The following NSD1 variants were observed in gnomAD, a reference collection of about 807,000 sequenced individuals.
NSD1 encodes histone-lysine N-methyltransferase, H3 lysine-36 specific.
NSD1 carries 26 observed loss-of-function variants against 242.7 expected under a neutral mutation model. That is an observed-to-expected ratio of 0.11 (90% CI 0.08 to 0.15). The LOEUF (loss-of-function observed/expected upper bound fraction) is 0.15, where lower values mean the gene tolerates loss of function less well. Ranked by LOEUF, NSD1 falls within the 10% of genes least tolerant of loss-of-function variation. The pLI, the probability that NSD1 is intolerant of heterozygous loss-of-function variation, is 1.00. For missense variants in NSD1, 2,495 were observed against 3,272.8 expected (o/e 0.76, Z 5.80); for synonymous variants, 1,106 against 1,178.1 (o/e 0.94, Z 1.25).
chr5:177,225,408 G>T (rs1764560409), intron 5 of NSD1, among the ~76,000 whole-genome samples: 1 of 152,152 alleles, frequency 6.6e-6, no homozygotes, highest in Non-Finnish European at 1.5e-5. Context: ...CTCCCAAAGT[G>T]CTGGGATTAC....
At chr5:177,236,153 T>G (rs1202982420) in intron 6 of NSD1, among the ~76,000 whole-genome samples, 1 of 152,194 alleles carries the variant, frequency 6.6e-6, no homozygotes, top group African/African-American at 2.4e-5. Flanking sequence ...TATGTATATA[T>G]TTTTCCCTCT....
rs1055666926 is a variant in NSD1 at position 177,149,645 on chromosome 5, C to T, written c.927+13615C>T. On this transcript the variant is annotated intron_variant, in intron 2 of 22. Coordinates refer to ENST00000439151, the MANE Select transcript of NSD1 (RefSeq NM_022455.5). ...TGGTTTGGGGATGAAACTTTTCCACCTTAGATTATCACGCATTAGTTAGAA... is the reference window on the plus strand; with the variant it reads ...TGGTTTGGGGATGAAACTTTTCCACTTTAGATTATCACGCATTAGTTAGAA... Among the ~76,000 whole-genome samples, 32 of 152,190 alleles carry T rather than the reference C, an allele frequency of 2.1e-4. 1 individual carries two copies. Among genetic ancestry groups the T allele is most frequent in the Admixed American group, 1.8e-3 (28 of 15,248 alleles).
chr5:177,210,034 G>A lies in NSD1; in HGVS notation c.1635G>A (p.Thr545=), dbSNP rs371958844. Residue 545 remains threonine (T), a synonymous_variant, in exon 5 of 23, where the codon ACG becomes ACA. Coordinates refer to ENST00000439151, the MANE Select transcript of NSD1 (RefSeq NM_022455.5). The part of the protein sequence containing the change: ...LNFISGDISD[T]QASNELSRIA... ...TTATCTCTGGGGATATATCTGATACGCAGGCCTCTAATGAACTTTCCAGGA... is the reference window on the plus strand; with the variant it reads ...TTATCTCTGGGGATATATCTGATACACAGGCCTCTAATGAACTTTCCAGGA... The A allele has an allele frequency of 4.0e-5, 65 of 1,613,970 alleles. No homozygotes were observed. The African/African-American group carries it at 6.9e-4, about 17-fold the overall frequency.
At chr5:177,159,181 T>C (rs2149787156) in intron 2 of NSD1, among the ~76,000 whole-genome samples, 1 of 151,328 alleles carries the variant, frequency 6.6e-6, no homozygotes, top group African/African-American at 2.4e-5. Context: ...TTGCTGGGAT[T>C]ACAGGCACTC....
intron 18 of NSD1, among the ~76,000 whole-genome samples, chr5:177,281,918 GCATGAGC>G (rs1758926646): frequency 6.6e-6 from 1 of 152,170 alleles, no homozygotes; most frequent in African/African-American, 2.4e-5. Flanking sequence ...GGGTTTACAG[GCATGAGC>G]CATCACTCTT....
At chr5:177,142,996 G>C (rs1250495638) in intron 2 of NSD1, among the ~76,000 whole-genome samples, 1 of 152,016 alleles carries the variant, frequency 6.6e-6, no homozygotes, top group African/African-American at 2.4e-5. Flanking sequence ...TTATTCTCCT[G>C]GTCTGATTCA....
intron 20 of NSD1, among the ~76,000 whole-genome samples, chr5:177,284,858 C>T (rs1160047210): frequency 6.6e-6 from 1 of 152,156 alleles, no homozygotes; most frequent in Non-Finnish European, 1.5e-5. Flanking sequence ...CTCGGTTATT[C>T]AGGAGGCTGA....
At chr5:177,228,041 G>A (rs1156698718) in intron 5 of NSD1, among the ~76,000 whole-genome samples, 1 of 151,272 alleles carries the variant, frequency 6.6e-6, no homozygotes, top group African/African-American at 2.4e-5. Flanking sequence ...GCTGTATGCA[G>A]CTCTGTTATA....
At chr5:177,234,577 G>A in intron 5 of NSD1, among the ~76,000 whole-genome samples, 1 of 152,110 alleles carries the variant, frequency 6.6e-6, no homozygotes, top group Admixed American at 6.5e-5. Context: ...TTAGCTGGGT[G>A]TGGTGGCAGG....
At chr5:177,184,089 A>G (rs1051136811) in intron 2 of NSD1, among the ~76,000 whole-genome samples, 4 of 152,234 alleles carry the variant, frequency 2.6e-5, no homozygotes, top group East Asian at 3.8e-4. Context: ...CAGTGCTGCA[A>G]TAAACATGGG....
intron 5 of NSD1, among the ~76,000 whole-genome samples, chr5:177,220,563 CTTTTTTTTTTTTTTT>C (rs869220346): frequency 2.4e-5 from 2 of 84,332 alleles, no homozygotes; most frequent in African/African-American, 4.6e-5. Context: ...ATAGTAATTG[CTTTTTTTTTTTTTTT>C]TTTTTTTTTG....
intron 2 of NSD1, among the ~76,000 whole-genome samples, chr5:177,170,747 T>C (rs1347575631): frequency 2.0e-5 from 3 of 152,172 alleles, no homozygotes; most frequent in African/African-American, 7.2e-5. Context: ...TTCACAGTGT[T>C]ATATAATCAT....
intron 2 of NSD1, among the ~76,000 whole-genome samples, chr5:177,178,740 T>TA (rs1210216326): frequency 6.6e-6 from 1 of 152,204 alleles, no homozygotes; most frequent in African/African-American, 2.4e-5. Context: ...TTAAGAACAT[T>TA]AAAAAGTGCT....
intron 17 of NSD1, among the ~76,000 whole-genome samples, chr5:177,278,356 A>G (rs1224445632): frequency 3.3e-5 from 5 of 152,146 alleles, no homozygotes; most frequent in African/African-American, 1.2e-4. Flanking sequence ...ACAATCCTCC[A>G]GTCTCAGCCT....
At chr5:177,235,031 C>T (rs1416570837) in intron 5 of NSD1, among the ~76,000 whole-genome samples, 1 of 152,204 alleles carries the variant, frequency 6.6e-6, no homozygotes, top group Non-Finnish European at 1.5e-5. Flanking sequence ...ACCCTGAACA[C>T]ACATTACTTT....
At chr5:177,197,904 C>T (rs1291502972) in intron 3 of NSD1, among the ~76,000 whole-genome samples, 1 of 152,104 alleles carries the variant, frequency 6.6e-6, no homozygotes, top group African/African-American at 2.4e-5. Context: ...TTAGATTGGA[C>T]TGATTTGAGG....
rs1461811899 is a variant in NSD1, at chr5:177,294,399, C to T, written c.7031C>T (p.Ser2344Leu). The change falls in exon 23 of 23, where the codon TCA becomes TTA. Residue 2344 changes from serine to leucine, a missense_variant. Ser to Leu is a moderately radical substitution (Grantham distance 145). This residue lies in a region of NSD1 where 475 missense variants were observed against 563.7 expected (regional missense o/e 0.84). Transcript: ENST00000439151. ...SPVTSPSSSP[S>L]VRSQPLERPL... Reference sequence around the variant, plus strand: ...GTGACCAGCCCAAGCTCCTCACCCTCAGTCAGGTCCCAACCACTGGAAAGA... The same window carrying T: ...GTGACCAGCCCAAGCTCCTCACCCTTAGTCAGGTCCCAACCACTGGAAAGA... 3.1e-6 allele frequency: 5 copies of T among 1,614,212 alleles called. No individual in the cohort carries two copies. The highest frequency in any genetic ancestry group is 4.2e-6 in the Non-Finnish European group (5 of 1,180,032).
chr5:177,293,513 CT>C (rs891139679), intron 22 of NSD1, among the ~76,000 whole-genome samples: 25 of 150,776 alleles, frequency 1.7e-4, no homozygotes, highest in African/African-American at 5.6e-4. Flanking sequence ...GTAAAAGAAA[CT>C]TTTTGTTGTC....
At position 177,135,968 on chromosome 5, in the gene NSD1, T is replaced by C; in HGVS notation, c.865T>C (p.Leu289=). 6.2e-7 allele frequency: 1 copy of C among 1,614,110 alleles called. No individual in the cohort carries two copies. Among genetic ancestry groups the C allele is most frequent in the African/African-American group, 1.3e-5 (1 of 75,022 alleles). Residue 289 remains leucine (L), a synonymous_variant, in exon 2 of 23, where the codon TTA becomes CTA. Transcript: ENST00000439151. ...TGATCCAGATTCCAGTACCAGTACA[T>C]TAGGAAACATGCTAGAATTACCTGG... is the stretch of plus-strand genomic sequence containing the variant. ...QDDPDSSTST[L]GNMLELPGTS...
Sources: allele counts gnomAD v4.1 joint callset (sites outside exome capture counted in the v4.1 genomes callset), GRCh38; gene constraint gnomAD v4.1.1; regional missense constraint gnomAD v4.1.1; transcripts MANE v1.5; gene names NCBI Gene and HGNC (gene_info 2026-07-23, HGNC 2026-07-21).